Variants in PDE1C observed in about 807,000 individuals in gnomAD.
PDE1C encodes phosphodiesterase 1C, also known as dual specificity calcium/calmodulin-dependent 3',5'-cyclic nucleotide phosphodiesterase 1C.
Under a neutral mutation model 93.1 loss-of-function variants are expected in PDE1C, and 62 were observed. That is an observed-to-expected ratio of 0.67 (90% CI 0.54 to 0.82). PDE1C has a LOEUF of 0.82. PDE1C is among the 40% of genes least tolerant of loss of function. PDE1C has a pLI of 0.00. For synonymous variants in PDE1C, 325 were observed against 310.1 expected, an observed-to-expected ratio of 1.05 and a Z score of -0.50; for missense variants, 742 against 884.6, an observed-to-expected ratio of 0.84 and a Z score of 2.04.
intron 2 of PDE1C, among the ~76,000 whole-genome samples, chr7:32,002,944 T>G (rs1785674331): frequency 6.6e-6 from 1 of 152,246 alleles, no homozygotes; most frequent in African/African-American, 2.4e-5. Flanking sequence ...TTCTTTTTCT[T>G]GATATCCTTT....
At chr7:32,006,262 T>A (rs1250620328) in intron 2 of PDE1C, among the ~76,000 whole-genome samples, 1 of 152,170 alleles carries the variant, frequency 6.6e-6, no homozygotes, top group African/African-American at 2.4e-5. Context: ...GTTAATTTGG[T>A]GGAGTAGTTT....
chr7:31,913,171 A>G (rs1489693267), intron 2 of PDE1C, among the ~76,000 whole-genome samples: 1 of 152,160 alleles, frequency 6.6e-6, no homozygotes, highest in East Asian at 1.9e-4. Context: ...ATCATCACAA[A>G]GAAAGGATGC....
chr7:31,672,921 G>A, the PDE1C span, among the ~76,000 whole-genome samples: 1 of 152,184 alleles, frequency 6.6e-6, no homozygotes, highest in Non-Finnish European at 1.5e-5. Flanking sequence ...TACTGAGTGA[G>A]TTTTTATGAT....
intron 2 of PDE1C, among the ~76,000 whole-genome samples, chr7:31,968,433 C>G (rs1191994728): frequency 1.3e-5 from 2 of 151,998 alleles, no homozygotes. Flanking sequence ...AGGAGAACTA[C>G]AAACCACTGC....
intron 1 of PDE1C, among the ~76,000 whole-genome samples, chr7:32,357,589 G>A (rs1219125708): frequency 6.6e-6 from 1 of 152,160 alleles, no homozygotes; most frequent in Non-Finnish European, 1.5e-5. Flanking sequence ...AATTAGGCGG[G>A]CTAAACCGGG....
intron 3 of PDE1C, among the ~76,000 whole-genome samples, chr7:32,125,752 T>A (rs183702692): frequency 2.0e-4 from 30 of 151,570 alleles, no homozygotes; most frequent in African/African-American, 7.0e-4. Context: ...ACTTAGAGGA[T>A]GGGTCAACAG....
intron 1 of PDE1C, among the ~76,000 whole-genome samples, chr7:32,056,855 T>C (rs1405498322): frequency 6.6e-6 from 1 of 152,194 alleles, no homozygotes; most frequent in African/African-American, 2.4e-5. Flanking sequence ...ATTTTCCTTA[T>C]CTTGGAACAC....
intron 3 of PDE1C, among the ~76,000 whole-genome samples, chr7:32,146,610 A>G (rs138893373): frequency 3.7e-4 from 56 of 152,302 alleles, no homozygotes; most frequent in African/African-American, 1.2e-3. Context: ...TAACCTAAAT[A>G]CATCTGCAAA....
downstream of PDE1C, among the ~76,000 whole-genome samples, chr7:31,746,338 A>T (rs1441472911): frequency 1.3e-5 from 2 of 152,202 alleles, no homozygotes; most frequent in African/African-American, 2.4e-5. Flanking sequence ...CACTAGGAAA[A>T]TGATAGTAGC....
chr7:32,333,353 T>G (rs11768318), intron 1 of PDE1C, among the ~76,000 whole-genome samples: 9,954 of 152,268 alleles, frequency 0.065, 437 homozygotes, highest in Non-Finnish European at 0.092. Context: ...TTCAATGTAG[T>G]GTTTTAAACA....
chr7:31,727,323 C>T, the PDE1C span, among the ~76,000 whole-genome samples: 4 of 152,202 alleles, frequency 2.6e-5, no homozygotes, highest in Admixed American at 1.3e-4. Flanking sequence ...AGATTATAAA[C>T]ATTCAACTGA....
chr7:31,889,294 C>G (rs2128895801), intron 2 of PDE1C, among the ~76,000 whole-genome samples: 1 of 152,340 alleles, frequency 6.6e-6, no homozygotes, highest in Non-Finnish European at 1.5e-5. Context: ...TTCCAACTCT[C>G]TTCCTTTCAA....
At chr7:32,405,980 A>C (rs539770823) in intron 1 of PDE1C, among the ~76,000 whole-genome samples, 2 of 152,308 alleles carry the variant, frequency 1.3e-5, no homozygotes, top group Non-Finnish European at 2.9e-5. Flanking sequence ...CGTGTAGCTC[A>C]GCATACTTTT....
chr7:32,340,836 G>A (rs1783733318), intron 1 of PDE1C, among the ~76,000 whole-genome samples: 2 of 152,156 alleles, frequency 1.3e-5, no homozygotes, highest in South Asian at 4.1e-4. Context: ...TAAGGGTTGG[G>A]GTGGAAACGG....
chr7:31,640,366 A>G, the PDE1C span, among the ~76,000 whole-genome samples: 1 of 152,048 alleles, frequency 6.6e-6, no homozygotes, highest in African/African-American at 2.4e-5. Flanking sequence ...TCAGCTGAAT[A>G]CTCAAGAGAG....
chr7:31,863,250 C>T (rs1794888845), intron 7 of PDE1C, among the ~76,000 whole-genome samples: 1 of 152,036 alleles, frequency 6.6e-6, no homozygotes, highest in Non-Finnish European at 1.5e-5. Context: ...GTACATTTTT[C>T]TATTACACTC....
At chr7:31,823,747 T>G (rs551375051) in intron 13 of PDE1C, among the ~76,000 whole-genome samples, 12 of 152,238 alleles carry the variant, frequency 7.9e-5, no homozygotes, top group African/African-American at 2.6e-4. Flanking sequence ...TTCCTTAAGT[T>G]GCTGGAAGAA....
chr7:31,788,979 G>A (rs1041791122), intron 16 of PDE1C: 10 of 152,180 alleles, frequency 6.6e-5, no homozygotes, highest in East Asian at 5.8e-4. Context: ...ATCTGTTCTC[G>A]TGCTTTTTCA....
chr7:32,356,315 C>A (rs891442701), intron 1 of PDE1C, among the ~76,000 whole-genome samples: 3 of 152,164 alleles, frequency 2.0e-5, no homozygotes, highest in Non-Finnish European at 4.4e-5. Context: ...TTCTCATGCA[C>A]TCAGAGAGCA....
Sources: allele counts gnomAD v4.1 joint callset (sites outside exome capture counted in the v4.1 genomes callset), GRCh38; gene constraint gnomAD v4.1.1; transcripts MANE v1.5; gene names NCBI Gene and HGNC (gene_info 2026-07-23, HGNC 2026-07-21).